SLC9A9: variants seen among roughly 807,000 people sequenced by gnomAD.
The protein encoded by SLC9A9 is sodium/hydrogen exchanger 9.
SLC9A9 carries 62 observed loss-of-function variants against 77.8 expected under a neutral mutation model. The ratio of observed to expected loss-of-function variants is 0.80; its 90% CI spans 0.65 to 0.98. The LOEUF is 0.98. Ranked by LOEUF, SLC9A9 falls within the 50% of genes least tolerant of loss-of-function variation. The pLI, the probability that SLC9A9 is intolerant of heterozygous loss-of-function variation, is 0.00. For synonymous variants in SLC9A9, 320 were observed against 283.5 expected, an observed-to-expected ratio of 1.13 and a Z score of -1.29; for missense variants, 775 against 774.9, an observed-to-expected ratio of 1.00 and a Z score of 0.00.
chr3:143,345,058 G>T (rs543178052), intron 14 of SLC9A9, among the ~76,000 whole-genome samples: 1 of 152,192 alleles, frequency 6.6e-6, no homozygotes, highest in Non-Finnish European at 1.5e-5. Flanking sequence ...TGAAGGAAAT[G>T]CTGAACATGG....
intron 4 of SLC9A9, among the ~76,000 whole-genome samples, chr3:143,694,247 A>T (rs1307589658): frequency 2.0e-5 from 3 of 152,142 alleles, no homozygotes; most frequent in Non-Finnish European, 4.4e-5. Context: ...AAGAATGCAG[A>T]TATTTTAAAT....
intron 14 of SLC9A9, among the ~76,000 whole-genome samples, chr3:143,302,742 G>A (rs537954045): frequency 6.6e-6 from 1 of 152,342 alleles, no homozygotes; most frequent in East Asian, 1.9e-4. Flanking sequence ...CAGAATGACT[G>A]CGTTTGACGA....
intron 11 of SLC9A9, among the ~76,000 whole-genome samples, chr3:143,493,253 G>T (rs2035779069): frequency 6.6e-6 from 1 of 152,164 alleles, no homozygotes; most frequent in Non-Finnish European, 1.5e-5. Flanking sequence ...GGATTTTATG[G>T]AGAAGGAACA....
At chr3:143,797,495 T>A (rs1440881517) in intron 2 of SLC9A9, among the ~76,000 whole-genome samples, 3 of 152,184 alleles carry the variant, frequency 2.0e-5, no homozygotes, top group African/African-American at 7.2e-5. Context: ...GTGACCTGCA[T>A]GGACCAGATG....
chr3:143,439,141 T>C (rs1202913800), intron 12 of SLC9A9, among the ~76,000 whole-genome samples: 1 of 152,166 alleles, frequency 6.6e-6, no homozygotes, highest in African/African-American at 2.4e-5. Context: ...TCTAGGCACT[T>C]ATTGCTTGCT....
intron 2 of SLC9A9, among the ~76,000 whole-genome samples, chr3:143,817,150 T>A (rs199647523): frequency 0.055 from 8,245 of 149,438 alleles, 671 homozygotes; most frequent in African/African-American, 0.18. Context: ...TTTTTATTTT[T>A]TTTTTTTTTG....
intron 2 of SLC9A9, among the ~76,000 whole-genome samples, chr3:143,817,615 T>G (rs2009056066): frequency 6.6e-6 from 1 of 152,228 alleles, no homozygotes; most frequent in South Asian, 2.1e-4. Flanking sequence ...TCGGATTTAT[T>G]TGTGATAAGA....
chr3:143,744,743 A>C (rs569551276), intron 4 of SLC9A9, among the ~76,000 whole-genome samples: 4 of 152,304 alleles, frequency 2.6e-5, no homozygotes, highest in African/African-American at 9.6e-5. Context: ...ATGTTTCCTG[A>C]ATCAGGCAAA....
intron 1 of SLC9A9, 47 bp downstream of exon 1, chr3:143,848,101 C>G (rs747253968): frequency 1.3e-6 from 2 of 1,547,908 alleles, no homozygotes; most frequent in Non-Finnish European, 1.8e-6. Context: ...TCTCTAATTA[C>G]GCTCAAGCAA....
intron 4 of SLC9A9, among the ~76,000 whole-genome samples, chr3:143,736,906 T>C (rs947373251): frequency 6.6e-6 from 1 of 152,186 alleles, no homozygotes; most frequent in Non-Finnish European, 1.5e-5. Context: ...TAGGGAACAT[T>C]AAGAATGCAG....
intron 12 of SLC9A9, among the ~76,000 whole-genome samples, chr3:143,431,992 T>C (rs1208616378): frequency 6.6e-6 from 1 of 152,180 alleles, no homozygotes; most frequent in Non-Finnish European, 1.5e-5. Context: ...TTGGACTACC[T>C]AATTCAAATC....
chr3:143,596,102 G>C (rs1373359195), intron 6 of SLC9A9, among the ~76,000 whole-genome samples: 2 of 152,114 alleles, frequency 1.3e-5, no homozygotes, highest in East Asian at 3.9e-4. Flanking sequence ...AGTGATGAGA[G>C]GGAAACAAAC....
chr3:143,378,034 C>G (rs148059131), intron 13 of SLC9A9, among the ~76,000 whole-genome samples: 1 of 152,334 alleles, frequency 6.6e-6, no homozygotes, highest in East Asian at 1.9e-4. Flanking sequence ...ATCATCTGGC[C>G]TCTGATCAAA....
intron 14 of SLC9A9, among the ~76,000 whole-genome samples, chr3:143,294,681 A>G (rs1271073357): frequency 1.3e-5 from 2 of 152,184 alleles, no homozygotes; most frequent in African/African-American, 4.8e-5. Flanking sequence ...GATAACTTCT[A>G]ATAATTGCCC....
At chr3:143,339,810 C>T (rs1438781264) in intron 14 of SLC9A9, among the ~76,000 whole-genome samples, 1 of 152,152 alleles carries the variant, frequency 6.6e-6, no homozygotes, top group East Asian at 1.9e-4. Flanking sequence ...ATGTTAACAA[C>T]TGTTGCTCAA....
Position 143,404,903 on chromosome 3 carries a change from C to T in SLC9A9, c.1470-22789G>A, listed in dbSNP as rs369666865. Among the ~76,000 whole-genome samples, 15 of 152,314 alleles carry T rather than the reference C, an allele frequency of 9.8e-5. No homozygotes were observed. In the East Asian group the frequency reaches 1.3e-3, roughly 14 times the overall value. ...TTCCTAAAAGATGTCCCTGGATCAG[C>T]GTAGCTTAATGTTCAGTTCGTGTTA... is the stretch of plus-strand genomic sequence containing the variant. On this transcript the variant is annotated intron_variant, in intron 12 of 15. Transcript: ENST00000316549.
chr3:143,751,537 A>G (rs73009487), intron 4 of SLC9A9, among the ~76,000 whole-genome samples: 4,078 of 152,234 alleles, frequency 0.027, 179 homozygotes, highest in African/African-American at 0.093. Flanking sequence ...TCCTGACTCC[A>G]GAGTCCCCAC....
chr3:143,379,929 T>C (rs1051964499), intron 13 of SLC9A9, among the ~76,000 whole-genome samples: 1 of 152,262 alleles, frequency 6.6e-6, no homozygotes, highest in Non-Finnish European at 1.5e-5. Flanking sequence ...TATGTTACTA[T>C]TATATGTGGT....
chr3:143,459,081 T>G (rs570305517), intron 12 of SLC9A9, among the ~76,000 whole-genome samples: 1 of 151,964 alleles, frequency 6.6e-6, no homozygotes, highest in South Asian at 2.1e-4. Flanking sequence ...CCATTCTAAA[T>G]TTTTTATTTA....
Sources: allele counts gnomAD v4.1 joint callset (sites outside exome capture counted in the v4.1 genomes callset), GRCh38; gene constraint gnomAD v4.1.1; transcripts MANE v1.5; gene names NCBI Gene and HGNC (gene_info 2026-07-23, HGNC 2026-07-21).